Variants in GRIK2 observed in about 807,000 individuals in gnomAD.
The protein encoded by GRIK2 is glutamate receptor ionotropic, kainate 2.
GRIK2 carries 32 observed loss-of-function variants against 100.3 expected under a neutral mutation model. That is an observed-to-expected ratio of 0.32 (90% CI 0.24 to 0.43). The LOEUF (loss-of-function observed/expected upper bound fraction) is 0.43. Among genes scored for constraint, GRIK2 ranks in the 20% least tolerant of loss-of-function variants. The pLI is 1.00. For synonymous variants in GRIK2, 417 were observed against 389.4 expected (o/e 1.07, Z -0.83); for missense variants, 843 against 1,114.9 (o/e 0.76, Z 3.47).
At chr6:101,966,349 T>C (rs1792673854) in intron 14 of GRIK2, among the ~76,000 whole-genome samples, 1 of 152,108 alleles carries the variant, frequency 6.6e-6, no homozygotes, top group African/African-American at 2.4e-5. Flanking sequence ...AAGTGATTGA[T>C]TTCTGTAGGG....
At chr6:101,463,256 A>G (rs1437967353) in intron 2 of GRIK2, among the ~76,000 whole-genome samples, 1 of 152,252 alleles carries the variant, frequency 6.6e-6, no homozygotes. Context: ...AGTTAAAAAA[A>G]GAAACTGTAG....
intron 7 of GRIK2, among the ~76,000 whole-genome samples, chr6:101,785,375 G>C (rs1036119487): frequency 6.6e-6 from 1 of 152,084 alleles, no homozygotes; most frequent in Non-Finnish European, 1.5e-5. Context: ...TGGGTCCTTA[G>C]CCATAGAGTA....
chr6:101,524,947 G>C (rs1200824029), intron 2 of GRIK2, among the ~76,000 whole-genome samples: 1 of 151,930 alleles, frequency 6.6e-6, no homozygotes, highest in Non-Finnish European at 1.5e-5. Flanking sequence ...TGGCCAAGCT[G>C]GTCTCGAACT....
At chr6:101,720,162 C>CA (rs1326328747) in intron 7 of GRIK2, among the ~76,000 whole-genome samples, 3 of 150,880 alleles carry the variant, frequency 2.0e-5, no homozygotes, top group Non-Finnish European at 4.4e-5. Context: ...ATCAAACTTA[C>CA]AAAAAAGGGT....
chr6:101,833,325 A>G (rs1782826036), intron 10 of GRIK2, among the ~76,000 whole-genome samples: 1 of 151,950 alleles, frequency 6.6e-6, no homozygotes, highest in South Asian at 2.1e-4. Context: ...TTCGCCTCCC[A>G]GGTTCAAGCA....
At chr6:101,954,314 T>A (rs1791780126) in intron 14 of GRIK2, among the ~76,000 whole-genome samples, 1 of 152,138 alleles carries the variant, frequency 6.6e-6, no homozygotes, top group Non-Finnish European at 1.5e-5. Flanking sequence ...AGTATTGTTA[T>A]CTTAACAATA....
At chr6:101,498,960 T>A (rs1409566732) in intron 2 of GRIK2, among the ~76,000 whole-genome samples, 1 of 152,144 alleles carries the variant, frequency 6.6e-6, no homozygotes, top group African/African-American at 2.4e-5. Flanking sequence ...ATGTCCTGAA[T>A]GGTAATGCCT....
At chr6:101,924,852 C>T in intron 13 of GRIK2, 133 bp downstream of exon 13, 1 of 638,016 alleles carries the variant, frequency 1.6e-6, no homozygotes, top group Non-Finnish European at 2.9e-6. Flanking sequence ...TTTCCATCGA[C>T]CTAATGCATT....
intron 14 of GRIK2, among the ~76,000 whole-genome samples, chr6:102,006,368 T>TATA (rs1554190536): frequency 7.9e-6 from 1 of 125,840 alleles, no homozygotes; most frequent in East Asian, 2.4e-4. Context: ...GATAAACCTT[T>TATA]TATATATATA....
intron 7 of GRIK2, among the ~76,000 whole-genome samples, chr6:101,688,500 T>G (rs1771866786): frequency 6.6e-6 from 1 of 151,944 alleles, no homozygotes; most frequent in South Asian, 2.1e-4. Context: ...TAGAAGCTCT[T>G]GGAGAGAATT....
intron 2 of GRIK2, among the ~76,000 whole-genome samples, chr6:101,558,883 G>T (rs1463345778): frequency 1.3e-5 from 2 of 151,356 alleles, no homozygotes; most frequent in Admixed American, 1.3e-4. Flanking sequence ...TTCTTTTTCT[G>T]TATGTCAATT....
At chr6:101,945,002 A>T (rs1376164914) in intron 14 of GRIK2, among the ~76,000 whole-genome samples, 1 of 152,082 alleles carries the variant, frequency 6.6e-6, no homozygotes, top group African/African-American at 2.4e-5. Flanking sequence ...ATAACTTTTG[A>T]ACAAGAATAT....
chr6:101,443,147 C>G (rs1770174810), intron 2 of GRIK2, among the ~76,000 whole-genome samples: 1 of 152,020 alleles, frequency 6.6e-6, no homozygotes, highest in South Asian at 2.1e-4. Context: ...CGAAAGGGGT[C>G]TTTAAGGAAA....
At chr6:101,508,477 C>G (rs916880835) in intron 2 of GRIK2, among the ~76,000 whole-genome samples, 1 of 152,018 alleles carries the variant, frequency 6.6e-6, no homozygotes, top group Non-Finnish European at 1.5e-5. Flanking sequence ...CTTAATATAA[C>G]AGATTATATA....
chr6:102,063,496 T>C (rs917757484), intron 16 of GRIK2, among the ~76,000 whole-genome samples: 15 of 150,922 alleles, frequency 9.9e-5, no homozygotes, highest in African/African-American at 3.4e-4. Context: ...CTAAACATAA[T>C]GGTTTTAACT....
intron 6 of GRIK2, among the ~76,000 whole-genome samples, chr6:101,682,963 G>A (rs1426365798): frequency 1.3e-5 from 2 of 152,120 alleles, no homozygotes; most frequent in African/African-American, 4.8e-5. Flanking sequence ...CAGCACTTTG[G>A]TAGGCCGGGG....
At chr6:101,942,745 T>C (rs907537088) in intron 14 of GRIK2, among the ~76,000 whole-genome samples, 6 of 152,170 alleles carry the variant, frequency 3.9e-5, no homozygotes, top group African/African-American at 1.4e-4. Context: ...ACTAACAGCA[T>C]ACAGTCATAC....
chr6:101,535,799 C>A (rs150773697), intron 2 of GRIK2, among the ~76,000 whole-genome samples: 327 of 151,698 alleles, frequency 2.2e-3, no homozygotes, highest in Middle Eastern at 6.8e-3. Flanking sequence ...CAGAACATCT[C>A]GTTGCTGCAA....
intron 1 of GRIK2, among the ~76,000 whole-genome samples, chr6:101,394,553 T>C (rs1034287897): frequency 3.9e-5 from 6 of 152,216 alleles, no homozygotes; most frequent in Non-Finnish European, 7.3e-5. Flanking sequence ...CTTTTGGTAA[T>C]GCACAGATTA....
Sources: gnomAD v4.1 joint callset for allele counts (sites outside exome capture counted in the v4.1 genomes callset) on GRCh38, gnomAD v4.1.1 for gene constraint, MANE v1.5 for transcripts, NCBI Gene and HGNC (gene_info 2026-07-23, HGNC 2026-07-21) for gene names.